The following OSBPL11 variants were observed in gnomAD, a reference collection of about 807,000 sequenced individuals.
The protein encoded by OSBPL11 is oxysterol binding protein like 11, also known as oxysterol-binding protein-related protein 11.
A neutral mutation model predicts 84.4 loss-of-function variants in OSBPL11; 33 were observed. The ratio of observed to expected loss-of-function variants is 0.39; its 90% CI spans 0.30 to 0.52. The LOEUF (loss-of-function observed/expected upper bound fraction) is 0.52, where lower values mean the gene tolerates loss of function less well. Ranked by LOEUF, OSBPL11 falls within the 20% of genes least tolerant of loss-of-function variation. The pLI is 0.72. For missense variants in OSBPL11, 736 were observed against 901.1 expected, an observed-to-expected ratio of 0.82 and a Z score of 2.35; for synonymous variants, 276 against 310.2, an observed-to-expected ratio of 0.89 and a Z score of 1.16.
chr3:125,540,327 T>TAAAAAAAAAAA (rs1935710425), intron 10 of OSBPL11, among the ~76,000 whole-genome samples: 1 of 31,308 alleles, frequency 3.2e-5, no homozygotes. Flanking sequence ...TGGCTCTGTC[T>TAAAAAAAAAAA]CAAAAAAAAA....
At chr3:125,534,001 AT>A (rs1447673541) in intron 11 of OSBPL11, among the ~76,000 whole-genome samples, 1 of 152,156 alleles carries the variant, frequency 6.6e-6, no homozygotes, top group African/African-American at 2.4e-5. Flanking sequence ...TAATTTTTAT[AT>A]TTTTTGTGGA....
At chr3:125,546,382 G>A (rs560911935) in intron 10 of OSBPL11, among the ~76,000 whole-genome samples, 1 of 151,640 alleles carries the variant, frequency 6.6e-6, no homozygotes, top group Admixed American at 6.6e-5. Flanking sequence ...CACCCCGGCT[G>A]GAGAGCAGTG....
chr3:125,586,119 T>A (rs2107612403), intron 1 of OSBPL11, among the ~76,000 whole-genome samples: 1 of 152,322 alleles, frequency 6.6e-6, no homozygotes, highest in East Asian at 1.9e-4. Flanking sequence ...TTATAGAATA[T>A]TTTTAATGTG....
chr3:125,580,882 AC>A (rs1936413975), intron 2 of OSBPL11, among the ~76,000 whole-genome samples: 2 of 152,192 alleles, frequency 1.3e-5, no homozygotes, highest in African/African-American at 4.8e-5. Flanking sequence ...ATAAGTCAAA[AC>A]TAAAGATTAC....
chr3:125,545,882 AGAGAG>A (rs1935805947), intron 10 of OSBPL11, among the ~76,000 whole-genome samples: 1 of 152,190 alleles, frequency 6.6e-6, no homozygotes, highest in Admixed American at 6.6e-5. Flanking sequence ...TCCCAACTGC[AGAGAG>A]CAGTTAAAAA....
In OSBPL11 at chr3:125,547,472, G is replaced by C. The variant is rs752657574; in HGVS notation, c.1775C>G (p.Ala592Gly). ...GATGCTGGCTGAATATCCAGTTTTT[G>C]CACAGTTGACACTGACTTTGCCACC... ...ELGGKVSVNC[A>G]KTGYSASITF... Residue 592 changes from alanine (A) to glycine (G), a missense_variant, in exon 10 of 13, where the codon GCA becomes GGA. By Grantham distance (60) the Ala-to-Gly change is moderately conservative (BLOSUM62 0). This residue lies in a region of OSBPL11 where 579 missense variants were observed against 717.6 expected (regional missense o/e 0.81). Coordinates refer to ENST00000296220, the MANE Select transcript of OSBPL11 (RefSeq NM_022776.5). 9 of 1,613,934 alleles carry C rather than the reference G, an allele frequency of 5.6e-6. No homozygotes were observed. In the South Asian group the frequency reaches 8.8e-5, roughly 16 times the overall value.
intron 11 of OSBPL11, among the ~76,000 whole-genome samples, chr3:125,538,195 C>A (rs1935671045): frequency 1.3e-5 from 2 of 152,154 alleles, no homozygotes; most frequent in South Asian, 4.1e-4. Context: ...ATGATACACA[C>A]AGTAATTCTT....
chr3:125,531,797 C>T, intron 12 of OSBPL11, 64 bp downstream of exon 12: 1 of 1,446,770 alleles, frequency 6.9e-7, no homozygotes. Flanking sequence ...TTCAACAAAG[C>T]CTAGTAAGCT....
chr3:125,582,476 A>G, intron 2 of OSBPL11, among the ~76,000 whole-genome samples: 1 of 152,206 alleles, frequency 6.6e-6, no homozygotes, highest in East Asian at 1.9e-4. Context: ...TATTTGAGAT[A>G]GCTGGTTTTC....
chr3:125,572,906 AAAGT>A (rs1203741314), intron 5 of OSBPL11, among the ~76,000 whole-genome samples: 1 of 141,564 alleles, frequency 7.1e-6, no homozygotes, highest in African/African-American at 2.6e-5. Context: ...TACATATTAT[AAAGT>A]GTGTGTATAT....
At chr3:125,532,426 T>C (rs1216392592) in intron 11 of OSBPL11, among the ~76,000 whole-genome samples, 1 of 151,974 alleles carries the variant, frequency 6.6e-6, no homozygotes, top group Non-Finnish European at 1.5e-5. Context: ...TATAATACAA[T>C]AGTGGTTTTC....
At chr3:125,578,117 A>G (rs1936358726) in intron 4 of OSBPL11, among the ~76,000 whole-genome samples, 2 of 152,314 alleles carry the variant, frequency 1.3e-5, no homozygotes, top group Non-Finnish European at 2.9e-5. Context: ...ACAAAATGAA[A>G]ATAACCCAAT....
intron 5 of OSBPL11, among the ~76,000 whole-genome samples, chr3:125,572,924 T>TAC (rs10575184): frequency 8.5e-5 from 12 of 141,942 alleles, no homozygotes; most frequent in Admixed American, 5.6e-4. Context: ...TGTATATATA[T>TAC]ACACACACAC....
intron 11 of OSBPL11, among the ~76,000 whole-genome samples, chr3:125,537,301 C>CT (rs1420052252): frequency 6.6e-6 from 1 of 151,990 alleles, no homozygotes; most frequent in African/African-American, 2.4e-5. Context: ...CTGCTTGTGA[C>CT]GTTTGGTGCC....
At chr3:125,574,923 CA>C (rs1434952282) in intron 5 of OSBPL11, among the ~76,000 whole-genome samples, 1 of 152,082 alleles carries the variant, frequency 6.6e-6, no homozygotes, top group African/African-American at 2.4e-5. Flanking sequence ...TAACAAAATA[CA>C]AAAAGTTCAC....
At position 125,595,367 on chromosome 3, in the gene OSBPL11, G is replaced by A. The variant is rs762925356; in HGVS notation, c.-567C>T. On this transcript the variant is annotated 5_prime_UTR_variant, in exon 1 of 13. Transcript: ENST00000296220. ...CGCCGGGGGCGGGACGCCGGCTCCC[G>A]GGGCCGCCTCTCCCAGGGCCAGAGG... Among the ~76,000 whole-genome samples, 96 of 152,034 alleles carry A rather than the reference G, an allele frequency of 6.3e-4. No homozygotes were observed. Among genetic ancestry groups the A allele is most frequent in the Non-Finnish European group, 1.0e-3 (69 of 67,988 alleles).
rs1354564054 is a variant in OSBPL11, at chr3:125,595,150, G to C, written c.-350C>G. On this transcript the variant is annotated 5_prime_UTR_variant, in exon 1 of 13. Coordinates refer to ENST00000296220, the MANE Select transcript of OSBPL11 (RefSeq NM_022776.5). ...CAGATTCTGTAGCCAAGACGGCTGG[G>C]AAAAGGACGGAGCGCCACGGACAGG... 1 of 178,326 alleles carries C rather than the reference G, an allele frequency of 5.6e-6. No homozygotes were observed. The highest frequency in any genetic ancestry group is 1.2e-5 in the Non-Finnish European group (1 of 83,346). The allele number at this position is 178,326 out of a possible 1,614,324, so 11.0% of individuals were successfully genotyped here. A position where few individuals can be genotyped will look rare whatever the true frequency, so the allele number is the denominator to read the frequency against.
At chr3:125,558,919 GGTGATGGTGATGCTACTGGTCTTCAGA>G (rs1936032540) in intron 8 of OSBPL11, among the ~76,000 whole-genome samples, 1 of 152,216 alleles carries the variant, frequency 6.6e-6, no homozygotes, top group South Asian at 2.1e-4. Flanking sequence ...CAAGTTTCCA[GGTGATGGTGATGCTACTGGTCTTCAGA>G]TCACACTTAA....
intron 8 of OSBPL11, among the ~76,000 whole-genome samples, chr3:125,555,997 C>A (rs956781567): frequency 3.3e-5 from 5 of 152,184 alleles, no homozygotes; most frequent in African/African-American, 9.6e-5. Flanking sequence ...GTAACAAATT[C>A]TATCTAAACC....
Sources: gnomAD v4.1 joint callset for allele counts (sites outside exome capture counted in the v4.1 genomes callset) on GRCh38, gnomAD v4.1.1 for gene constraint, gnomAD v4.1.1 regional missense constraint, MANE v1.5 for transcripts, NCBI Gene and HGNC (gene_info 2026-07-23, HGNC 2026-07-21) for gene names.